FDX1: variants seen among roughly 807,000 people sequenced by gnomAD.
FDX1 encodes adrenodoxin, mitochondrial.
Under a neutral mutation model 14.9 loss-of-function variants are expected in FDX1, and 9 were observed. That is an observed-to-expected ratio of 0.60 (90% CI 0.36 to 1.05). FDX1 has a LOEUF of 1.05. Among genes scored for constraint, FDX1 ranks in the 50% least tolerant of loss-of-function variants. The probability of loss-of-function intolerance (pLI) is 0.01; values close to 1 mark genes in which losing one functional copy is unlikely to be tolerated. For synonymous variants in FDX1, 92 were observed against 99.4 expected (o/e 0.93, Z 0.44); for missense variants, 204 against 237.2 (o/e 0.86, Z 0.92).
At chr11:110,441,928 T>G (rs1946407021) in intron 2 of FDX1, among the ~76,000 whole-genome samples, 1 of 152,184 alleles carries the variant, frequency 6.6e-6, no homozygotes, top group Non-Finnish European at 1.5e-5. Context: ...AGGGCCCCCT[T>G]GCTGTGTACA....
chr11:110,450,136 A>G (rs1946477210), intron 2 of FDX1, among the ~76,000 whole-genome samples: 1 of 152,114 alleles, frequency 6.6e-6, no homozygotes, highest in African/African-American at 2.4e-5. Flanking sequence ...GTGGGGATGG[A>G]TTTGGGATGA....
chr11:110,444,748 G>GTATACA (rs1946438444), intron 2 of FDX1, among the ~76,000 whole-genome samples: 1 of 29,844 alleles, frequency 3.4e-5, no homozygotes, highest in African/African-American at 1.2e-4. Flanking sequence ...ATATATACAC[G>GTATACA]TATATATATA....
intron 2 of FDX1, among the ~76,000 whole-genome samples, chr11:110,447,974 A>C (rs1000929498): frequency 6.6e-6 from 1 of 152,254 alleles, no homozygotes; most frequent in African/African-American, 2.4e-5. Flanking sequence ...ATAAGTGAAC[A>C]CATGAATAAA....
intron 2 of FDX1, among the ~76,000 whole-genome samples, chr11:110,455,815 C>T (rs1051868349): frequency 2.0e-5 from 3 of 152,190 alleles, no homozygotes; most frequent in Non-Finnish European, 2.9e-5. Context: ...CATGGGATAG[C>T]GTTGGACCAG....
In FDX1 at chr11:110,457,095, G is replaced by T. The variant is rs199655924; in HGVS notation, c.440+48G>T. 25 of 1,558,802 alleles carry T rather than the reference G, an allele frequency of 1.6e-5. No individual in the cohort carries two copies. The East Asian group carries it at 5.7e-4, about 35-fold the overall frequency. On this transcript the variant is annotated intron_variant, in intron 3 of 3. Coordinates refer to ENST00000260270, the MANE Select transcript of FDX1 (RefSeq NM_004109.5). ...ATTGTAATAATAATCTGGGAACATA[G>T]ATGTTGTATTATGTTGTCTATGTAA...
chr11:110,458,269 C>A (rs2134693306), intron 3 of FDX1, among the ~76,000 whole-genome samples: 1 of 152,220 alleles, frequency 6.6e-6, no homozygotes, highest in East Asian at 1.9e-4. Context: ...TGTAAGCTAG[C>A]AAGAGTATTG....
chr11:110,460,513 A>G lies in FDX1; in HGVS notation c.441-1841A>G, dbSNP rs183269078. On this transcript the variant is annotated intron_variant, in intron 3 of 3. Coordinates refer to ENST00000260270, the MANE Select transcript of FDX1 (RefSeq NM_004109.5). Reference sequence around the variant, plus strand: ...TATCTTGTACTAAATAGTAAATCCTACCTATCCTCCAAAGCCCATTGTGGA... The same window carrying G: ...TATCTTGTACTAAATAGTAAATCCTGCCTATCCTCCAAAGCCCATTGTGGA... 9.5e-4 allele frequency among the ~76,000 whole-genome samples: 144 copies of G among 152,168 alleles called. 1 individual carries two copies. Among genetic ancestry groups the G allele is most frequent in the African/African-American group, 3.3e-3 (136 of 41,532 alleles).
At chr11:110,429,553 T>C (rs939152974), upstream of FDX1, among the ~76,000 whole-genome samples, 1 of 152,210 alleles carries the variant, frequency 6.6e-6, no homozygotes, top group Non-Finnish European at 1.5e-5. Context: ...TTTATAGTCA[T>C]AATTATTTCT....
At chr11:110,431,390 G>A (rs1946330149) in intron 1 of FDX1, among the ~76,000 whole-genome samples, 1 of 152,202 alleles carries the variant, frequency 6.6e-6, no homozygotes, top group South Asian at 2.1e-4. Context: ...GGGAGAGTGT[G>A]TTGGATTTGT....
At chr11:110,445,872 G>C (rs1484295182) in intron 2 of FDX1, among the ~76,000 whole-genome samples, 1 of 152,158 alleles carries the variant, frequency 6.6e-6, no homozygotes, top group Non-Finnish European at 1.5e-5. Context: ...TATTAATACA[G>C]ATTCATTGTT....
chr11:110,446,476 TCCTCTGAG>T (rs1166992532), intron 2 of FDX1, among the ~76,000 whole-genome samples: 1 of 152,242 alleles, frequency 6.6e-6, no homozygotes, highest in African/African-American at 2.4e-5. Context: ...CTCAGACCTC[TCCTCTGAG>T]CCCTGATTTA....
rs942439718 is a variant in FDX1 at position 110,462,927 on chromosome 11, G to A, written c.*459G>A. 1.3e-5 allele frequency: 2 copies of A among 152,540 alleles called. No individual in the cohort carries two copies. Among genetic ancestry groups the A allele is most frequent in the African/African-American group, 4.8e-5 (2 of 41,454 alleles). 9.4% of individuals were successfully genotyped at this position (152,540 alleles called of 1,614,324 possible). On this transcript the variant is annotated 3_prime_UTR_variant, in exon 4 of 4. Transcript: ENST00000260270. ...TTCCTATAAGCTATGTGTTCAGACTGAAACTGGAGAAATTATGACTATTTT... is the reference window on the plus strand; with the variant it reads ...TTCCTATAAGCTATGTGTTCAGACTAAAACTGGAGAAATTATGACTATTTT...
chr11:110,456,666 C>G (rs1946524337), intron 2 of FDX1, among the ~76,000 whole-genome samples: 1 of 152,020 alleles, frequency 6.6e-6, no homozygotes, highest in Non-Finnish European at 1.5e-5. Flanking sequence ...GCCACCATGC[C>G]TGGCTAATTT....
chr11:110,461,706 TTACA>T (rs1351276141), intron 3 of FDX1, among the ~76,000 whole-genome samples: 1 of 152,180 alleles, frequency 6.6e-6, no homozygotes, highest in Non-Finnish European at 1.5e-5. Flanking sequence ...ACATGTGTAC[TTACA>T]TACTTTGCAT....
At chr11:110,452,505 T>C (rs961764340) in intron 2 of FDX1, among the ~76,000 whole-genome samples, 1 of 152,116 alleles carries the variant, frequency 6.6e-6, no homozygotes, top group Non-Finnish European at 1.5e-5. Context: ...CATCTGGACC[T>C]GAACTTGTAT....
chr11:110,460,972 A>C (rs1423161729), intron 3 of FDX1, among the ~76,000 whole-genome samples: 1 of 152,236 alleles, frequency 6.6e-6, no homozygotes, highest in Non-Finnish European at 1.5e-5. Context: ...TTAGGTGCTC[A>C]ATAAATGCTT....
chr11:110,457,551 TTA>T (rs1946530104), intron 3 of FDX1, among the ~76,000 whole-genome samples: 1 of 152,036 alleles, frequency 6.6e-6, no homozygotes, highest in African/African-American at 2.4e-5. Context: ...GTGGTGAGAT[TTA>T]CAGTAGCAAG....
intron 2 of FDX1, among the ~76,000 whole-genome samples, chr11:110,436,827 A>C (rs1946373083): frequency 2.0e-5 from 3 of 152,030 alleles, no homozygotes; most frequent in Non-Finnish European, 4.4e-5. Context: ...TGATATATTA[A>C]ATCTACCTCT....
intron 2 of FDX1, among the ~76,000 whole-genome samples, chr11:110,453,381 A>C (rs939592794): frequency 1.3e-5 from 2 of 152,114 alleles, no homozygotes; most frequent in African/African-American, 4.8e-5. Flanking sequence ...CATAGAACTG[A>C]ACACTGAAAG....
Sources: allele counts gnomAD v4.1 joint callset (sites outside exome capture counted in the v4.1 genomes callset), GRCh38; gene constraint gnomAD v4.1.1; transcripts MANE v1.5; gene names NCBI Gene and HGNC (gene_info 2026-07-23, HGNC 2026-07-21).